The following IMPG2 variants were observed in gnomAD, a reference collection of about 807,000 sequenced individuals.
IMPG2 encodes IPM 200.
A neutral mutation model predicts 129.2 loss-of-function variants in IMPG2; 91 were observed. The observed-to-expected ratio is 0.70, with a 90% CI of 0.59 to 0.84. The LOEUF (loss-of-function observed/expected upper bound fraction) is 0.84. Ranked by LOEUF, IMPG2 falls within the 40% of genes least tolerant of loss-of-function variation. The pLI, the probability that IMPG2 is intolerant of heterozygous loss-of-function variation, is 0.00. For missense variants in IMPG2, 1,430 were observed against 1,461.7 expected, an observed-to-expected ratio of 0.98 and a Z score of 0.35; for synonymous variants, 510 against 517.7, an observed-to-expected ratio of 0.99 and a Z score of 0.20.
chr3:101,289,700 T>C (rs958812151), intron 4 of IMPG2, among the ~76,000 whole-genome samples: 3 of 151,954 alleles, frequency 2.0e-5, no homozygotes, highest in Admixed American at 1.3e-4. Context: ...TATTAAATTG[T>C]CTTACAGAGG....
chr3:101,268,603 G>A (rs1222747286), intron 8 of IMPG2, among the ~76,000 whole-genome samples: 5 of 97,086 alleles, frequency 5.2e-5, no homozygotes, highest in South Asian at 4.5e-4. Context: ...GAATTAAATA[G>A]TGTGTGTGTA....
chr3:101,291,700 G>A (rs1284795600), intron 3 of IMPG2, among the ~76,000 whole-genome samples, 190 bp from the exon 4 acceptor site: 6 of 152,126 alleles, frequency 3.9e-5, no homozygotes, highest in Admixed American at 6.5e-5. Context: ...GCAACACCCT[G>A]ACATTCAGTC....
At chr3:101,306,019 T>C (rs1258805013) in intron 2 of IMPG2, among the ~76,000 whole-genome samples, 7 of 152,186 alleles carry the variant, frequency 4.6e-5, no homozygotes, top group African/African-American at 9.6e-5. Context: ...AGGATCCACA[T>C]TGAGGTGGAG....
intron 3 of IMPG2, among the ~76,000 whole-genome samples, chr3:101,295,736 G>C (rs1446939190): frequency 6.6e-6 from 1 of 152,074 alleles, no homozygotes; most frequent in East Asian, 1.9e-4. Flanking sequence ...TTATTTCCTT[G>C]AACAGTGAGT....
chr3:101,308,406 T>A (rs539003124), intron 2 of IMPG2, among the ~76,000 whole-genome samples: 2 of 152,242 alleles, frequency 1.3e-5, no homozygotes, highest in South Asian at 4.1e-4. Flanking sequence ...GAAATTTAGG[T>A]GAAGGTTCTC....
chr3:101,265,183 T>A (rs768452962), intron 9 of IMPG2, among the ~76,000 whole-genome samples: 2 of 151,708 alleles, frequency 1.3e-5, no homozygotes, highest in African/African-American at 2.4e-5. Flanking sequence ...TTCACAGAAA[T>A]AGAAAAAAAG....
intron 2 of IMPG2, among the ~76,000 whole-genome samples, chr3:101,317,126 T>C (rs947903973): frequency 1.6e-4 from 24 of 151,906 alleles, no homozygotes; most frequent in African/African-American, 4.8e-4. Flanking sequence ...GAAGAAATGT[T>C]TAAGAGTGAT....
intron 2 of IMPG2, among the ~76,000 whole-genome samples, chr3:101,308,945 C>A (rs1053872902): frequency 1.3e-5 from 2 of 152,152 alleles, no homozygotes; most frequent in Non-Finnish European, 1.5e-5. Flanking sequence ...CCATCAGATA[C>A]CCTAAATCAT....
At chr3:101,298,953 A>G (rs1377060961) in intron 3 of IMPG2, among the ~76,000 whole-genome samples, 1 of 152,118 alleles carries the variant, frequency 6.6e-6, no homozygotes, top group Non-Finnish European at 1.5e-5. Context: ...CTGTCTTGCT[A>G]GGTTGGGGAA....
At chr3:101,285,089 A>T (rs901586999) in intron 4 of IMPG2, among the ~76,000 whole-genome samples, 1 of 152,210 alleles carries the variant, frequency 6.6e-6, no homozygotes, top group East Asian at 1.9e-4. Flanking sequence ...TAAAAATTTC[A>T]TAGGGTAATT....
chr3:101,267,603 C>G, intron 8 of IMPG2, 72 bp from the exon 9 acceptor site: 1 of 1,227,270 alleles, frequency 8.1e-7, no homozygotes, highest in Non-Finnish European at 1.2e-6. Context: ...CATCAAAGTG[C>G]AAGTTATTCA....
At chr3:101,272,164 C>T (rs1310954419) in intron 7 of IMPG2, among the ~76,000 whole-genome samples, 4 of 152,030 alleles carry the variant, frequency 2.6e-5, no homozygotes, top group Non-Finnish European at 5.9e-5. Flanking sequence ...GCTCCTAAAC[C>T]TCATCCCCTC....
chr3:101,281,729 C>T (rs1346179481), intron 4 of IMPG2, among the ~76,000 whole-genome samples: 1 of 152,096 alleles, frequency 6.6e-6, no homozygotes, highest in African/African-American at 2.4e-5. Flanking sequence ...CAGTAGGCTC[C>T]ATGTAATCAC....
chr3:101,260,670 A>T (rs1211036952), intron 9 of IMPG2, among the ~76,000 whole-genome samples: 1 of 152,072 alleles, frequency 6.6e-6, no homozygotes, highest in Non-Finnish European at 1.5e-5. Context: ...TATCTTCCAC[A>T]TACACATGTA....
chr3:101,281,316 C>A (rs1160384817), intron 4 of IMPG2, among the ~76,000 whole-genome samples: 1 of 151,984 alleles, frequency 6.6e-6, no homozygotes, highest in Non-Finnish European at 1.5e-5. Context: ...ATGAGAGGGA[C>A]TTCAGCATGT....
At chr3:101,290,359 A>C (rs757681010) in intron 4 of IMPG2, among the ~76,000 whole-genome samples, 1 of 152,048 alleles carries the variant, frequency 6.6e-6, no homozygotes, top group Non-Finnish European at 1.5e-5. Context: ...AATACAAAAA[A>C]GTTAGCTGGG....
chr3:101,261,055 C>G (rs916792430), intron 9 of IMPG2, among the ~76,000 whole-genome samples: 1 of 152,094 alleles, frequency 6.6e-6, no homozygotes, highest in African/African-American at 2.4e-5. Context: ...AAAGAACGTT[C>G]GTATTAGCTT....
intron 13 of IMPG2, 41 bp from the exon 14 acceptor site, chr3:101,242,948 A>T (rs751832670): frequency 1.9e-6 from 3 of 1,543,768 alleles, no homozygotes; most frequent in South Asian, 2.2e-5. Flanking sequence ...ACAGCGTGTC[A>T]CATTTTGTTC....
intron 4 of IMPG2, among the ~76,000 whole-genome samples, chr3:101,290,594 C>A (rs1026631113): frequency 2.4e-4 from 37 of 152,150 alleles, no homozygotes; most frequent in Non-Finnish European, 4.6e-4. Context: ...CTCAATCCCA[C>A]ACCCTGGTAT....
Sources: allele counts gnomAD v4.1 joint callset (sites outside exome capture counted in the v4.1 genomes callset), GRCh38; gene constraint gnomAD v4.1.1; transcripts MANE v1.5; gene names NCBI Gene and HGNC (gene_info 2026-07-23, HGNC 2026-07-21).